Variants in NDUFB2 observed in about 807,000 individuals in gnomAD.
The protein encoded by NDUFB2 is NADH:ubiquinone oxidoreductase subunit B2, also known as NADH dehydrogenase [ubiquinone] 1 beta subcomplex subunit 2, mitochondrial.
Under a neutral mutation model 13.4 loss-of-function variants are expected in NDUFB2, and 13 were observed. The ratio of observed to expected loss-of-function variants is 0.97; its 90% CI spans 0.63 to 1.54. NDUFB2 has a LOEUF of 1.54. Among genes scored for constraint, NDUFB2 ranks in the 40% most tolerant of loss-of-function variants. The pLI is 0.00. For synonymous variants in NDUFB2, 47 were observed against 50.6 expected, an observed-to-expected ratio of 0.93 and a Z score of 0.30; for missense variants, 150 against 139.7, an observed-to-expected ratio of 1.07 and a Z score of -0.37.
intron 2 of NDUFB2, among the ~76,000 whole-genome samples, chr7:140,704,605 A>G (rs1794940483): frequency 6.6e-6 from 1 of 152,094 alleles, no homozygotes; most frequent in South Asian, 2.1e-4. Context: ...CCCTCCCTCT[A>G]TCACAGACAC....
intron 2 of NDUFB2, 79 bp downstream of exon 2, chr7:140,703,089 TGTA>T: frequency 6.4e-7 from 1 of 1,557,750 alleles, no homozygotes; most frequent in Non-Finnish European, 8.8e-7. Flanking sequence ...ATTTTTCTGT[TGTA>T]GACCATTTTT....
rs150957750 is a variant in NDUFB2, at chr7:140,698,087, A to G, written c.98+1245A>G. 295 of 1,342,742 alleles carry G rather than the reference A, an allele frequency of 2.2e-4. 1 individual carries two copies. In the African/African-American group the frequency reaches 3.8e-3, roughly 17 times the overall value. 83.2% of individuals were successfully genotyped at this position (1,342,742 alleles called of 1,614,324 possible). ...TGTTGTTATTAAGGAACTGAGGCCC[A>G]GGAAATGAAAGGAGTGACTTGCCTG... On this transcript the variant is annotated intron_variant, in intron 1 of 3. Transcript: ENST00000247866.
intron 1 of NDUFB2, chr7:140,698,409 A>C (rs551062871): frequency 9.1e-7 from 1 of 1,102,794 alleles, no homozygotes; most frequent in South Asian, 1.4e-5. Context: ...TGAAGTGTAC[A>C]TTCTGGAGAG....
chr7:140,705,101 C>CTT (rs878932531), intron 3 of NDUFB2, 138 bp downstream of exon 3: 1,117 of 340,360 alleles, frequency 3.3e-3, no homozygotes, highest in East Asian at 9.1e-3. Flanking sequence ...CCTGTATCTG[C>CTT]TTTTTTTTTT....
At chr7:140,705,633 T>C (rs1794956896) in intron 3 of NDUFB2, 1 of 152,104 alleles carries the variant, frequency 6.6e-6, no homozygotes, top group Non-Finnish European at 1.5e-5. Flanking sequence ...AAAAAAAATT[T>C]TTTTCCTAAG....
intron 1 of NDUFB2, chr7:140,701,935 A>C: frequency 1.6e-6 from 1 of 614,226 alleles, no homozygotes; most frequent in East Asian, 2.9e-5. Flanking sequence ...GACTCTCGCA[A>C]ACAAACAAAC....
In NDUFB2 at chr7:140,698,174, C is replaced by G. The variant is rs773908880; in HGVS notation, c.98+1332C>G. ...GGTGTGGGGTGGGCAGAAGGCAAAGCCCTGTGTGACTTGGGCAAAGACAGT... is the reference window on the plus strand; with the variant it reads ...GGTGTGGGGTGGGCAGAAGGCAAAGGCCTGTGTGACTTGGGCAAAGACAGT... On this transcript the variant is annotated intron_variant, in intron 1 of 3. Transcript: ENST00000247866. The G allele has an allele frequency of 7.4e-6, 10 of 1,352,034 alleles. 1 individual carries two copies. The Admixed American group carries it at 9.5e-5, about 13-fold the overall frequency. The allele number at this position is 1,352,034 out of a possible 1,614,324, so 83.8% of individuals were successfully genotyped here. A position where few individuals can be genotyped will look rare whatever the true frequency, so the allele number is the denominator to read the frequency against.
intron 2 of NDUFB2, among the ~76,000 whole-genome samples, chr7:140,704,350 A>G (rs1208812200): frequency 6.6e-6 from 1 of 152,136 alleles, no homozygotes; most frequent in Admixed American, 6.6e-5. Context: ...CACATTTACT[A>G]TTTGAGGTGC....
chr7:140,697,181 C>CGG, intron 1 of NDUFB2: 1 of 594,736 alleles, frequency 1.7e-6, no homozygotes, highest in African/African-American at 1.9e-5. Context: ...GCGTGCGCGG[C>CGG]GGGTGTGGAC....
intron 2 of NDUFB2, among the ~76,000 whole-genome samples, chr7:140,703,406 C>T (rs1794925177): frequency 6.6e-6 from 1 of 151,342 alleles, no homozygotes; most frequent in African/African-American, 2.4e-5. Flanking sequence ...CCTTGAGTAG[C>T]TGGGACTACA....
chr7:140,698,046 A>G (rs954133967), intron 1 of NDUFB2: 1 of 1,300,806 alleles, frequency 7.7e-7, no homozygotes, highest in Non-Finnish European at 1.0e-6. Flanking sequence ...GGACCGTACA[A>G]GTATTCTTTA....
At chr7:140,702,716 A>T in intron 1 of NDUFB2, 150 bp from the exon 2 acceptor site, 1 of 889,388 alleles carries the variant, frequency 1.1e-6, no homozygotes, top group Non-Finnish European at 1.7e-6. Context: ...GTAAAAAGTG[A>T]GTATTTCAAG....
Position 140,696,860 on chromosome 7 carries a change from G to C in NDUFB2, c.98+18G>C. 6.3e-7 allele frequency: 1 copy of C among 1,589,298 alleles called. No homozygotes were observed. Among genetic ancestry groups the C allele is most frequent in the South Asian group, 1.1e-5 (1 of 88,012 alleles). On this transcript the variant is annotated intron_variant, in intron 1 of 3. Transcript: ENST00000247866. ...GTCCGTCAGTGAGTGTGGGGCTGGG[G>C]ATGGGGGCCTCGCCGGCCTGTAGCG... is the stretch of plus-strand genomic sequence containing the variant.
Position 140,703,060 on chromosome 7 carries a change from A to G in NDUFB2, c.243+50A>G, listed in dbSNP as rs377039244. The G allele has an allele frequency of 1.5e-3, 2,479 of 1,601,450 alleles. 4 individuals carry two copies. The highest frequency in any genetic ancestry group is 1.8e-3 in the Non-Finnish European group (2,131 of 1,170,892). ...TCGTTTTTTGGGTGGGGGAGGGAGG[A>G]TGTATTAATAGCTTGTTTATTTTTC... is the stretch of plus-strand genomic sequence containing the variant. On this transcript the variant is annotated intron_variant, in intron 2 of 3. Transcript: ENST00000247866.
intron 3 of NDUFB2, among the ~76,000 whole-genome samples, chr7:140,705,954 T>C (rs528325377): frequency 1.3e-5 from 2 of 152,244 alleles, no homozygotes; most frequent in South Asian, 2.1e-4. Context: ...CCTTTCCTCA[T>C]AAACCCCTAG....
At chr7:140,706,060 T>TATGTTATGTTTTATGTTATGTTATG in intron 3 of NDUFB2, 1 of 125,120 alleles carries the variant, frequency 8.0e-6, no homozygotes, top group African/African-American at 3.5e-5. Context: ...TATGTTATGT[T>TATGTTATGTTTTATGTTATGTTATG]TTATGTTATG....
chr7:140,696,982 G>C, intron 1 of NDUFB2, 140 bp downstream of exon 1: 1 of 765,268 alleles, frequency 1.3e-6, no homozygotes. Context: ...CGTGTCTCCT[G>C]AAGCCGCGAC....
intron 1 of NDUFB2, chr7:140,701,966 G>C: frequency 1.5e-6 from 1 of 684,736 alleles, no homozygotes; most frequent in South Asian, 1.6e-5. Flanking sequence ...AACAGTCCTA[G>C]CTAACATGTA....
intron 1 of NDUFB2, among the ~76,000 whole-genome samples, chr7:140,699,199 C>T (rs1375005637): frequency 6.6e-6 from 1 of 152,134 alleles, no homozygotes; most frequent in African/African-American, 2.4e-5. Context: ...AGTTATGGTG[C>T]ATTTTTGTTT....
Sources: allele counts gnomAD v4.1 joint callset (sites outside exome capture counted in the v4.1 genomes callset), GRCh38; gene constraint gnomAD v4.1.1; transcripts MANE v1.5; gene names NCBI Gene and HGNC (gene_info 2026-07-23, HGNC 2026-07-21).